P2RX3: variants seen among roughly 807,000 people sequenced by gnomAD.
P2RX3 encodes P2X purinoceptor 3.
In P2RX3, 41 loss-of-function variants were observed where a neutral mutation model predicts 51.5. That is an observed-to-expected ratio of 0.80 (90% confidence interval 0.62 to 1.03). The LOEUF (loss-of-function observed/expected upper bound fraction) is 1.03, where lower values mean the gene tolerates loss of function less well. Among genes scored for constraint, P2RX3 ranks in the 50% least tolerant of loss-of-function variants. P2RX3 has a pLI of 0.00. For missense variants in P2RX3, 459 were observed against 522.1 expected (o/e 0.88, Z 1.18); for synonymous variants, 185 against 191.6 (o/e 0.97, Z 0.29).
chr11:57,364,225 A>G (rs1856764141), intron 8 of P2RX3, among the ~76,000 whole-genome samples: 1 of 152,202 alleles, frequency 6.6e-6, no homozygotes, highest in Non-Finnish European at 1.5e-5. Flanking sequence ...TCTCTGAGAC[A>G]AGGGCCTTAA....
At chr11:57,347,028 A>C in intron 2 of P2RX3, 88 bp from the exon 3 acceptor site, 1 of 1,348,470 alleles carries the variant, frequency 7.4e-7, no homozygotes, top group South Asian at 1.2e-5. Context: ...TGCTTTCCTC[A>C]TCTGTAGAGT....
rs139502364 is a variant in P2RX3 at position 57,370,478 on chromosome 11, TCC to T, written c.*482_*483del. 548 of 154,730 alleles carry T rather than the reference TCC, an allele frequency of 3.5e-3. 5 individuals carry two copies. The highest frequency in any genetic ancestry group is 0.012 in the African/African-American group (506 of 41,600). 9.6% of individuals were successfully genotyped at this position (154,730 alleles called of 1,614,324 possible). The stretch of plus-strand genomic sequence containing the variant: ...ATGTGAGAGAGCTGGGATTTGAACG[TCC>T]GTCTGACTAACTCCATCGCCCACAC... On this transcript the variant is annotated 3_prime_UTR_variant, in exon 12 of 12. Coordinates refer to ENST00000263314, the MANE Select transcript of P2RX3 (RefSeq NM_002559.5).
At chr11:57,337,118 C>T (rs1856237478), upstream of P2RX3, among the ~76,000 whole-genome samples, 1 of 151,520 alleles carries the variant, frequency 6.6e-6, no homozygotes, top group African/African-American at 2.4e-5. Flanking sequence ...GTGGTGAAGC[C>T]CCGTCTCTAT....
chr11:57,366,994 T>C (rs571417525), intron 8 of P2RX3, among the ~76,000 whole-genome samples: 1 of 152,336 alleles, frequency 6.6e-6, no homozygotes, highest in Admixed American at 6.5e-5. Flanking sequence ...GAGTTTTGGA[T>C]GAGGACATTC....
At chr11:57,364,384 T>TAGA (rs1294518386) in intron 8 of P2RX3, among the ~76,000 whole-genome samples, 1 of 152,234 alleles carries the variant, frequency 6.6e-6, no homozygotes, top group African/African-American at 2.4e-5. Context: ...CGGTATGGAT[T>TAGA]AGAATCCCAG....
Position 57,368,402 on chromosome 11 carries a change from A to T in P2RX3, c.967A>T (p.Ile323Phe). The T allele has an allele frequency of 6.2e-7, 1 of 1,614,022 alleles. No individual in the cohort carries two copies. The highest frequency in any genetic ancestry group is 1.1e-5 in the South Asian group (1 of 91,074). ...AGKFNIIPTI[I>F]SSVAAFTSVG... is the part of the protein sequence containing the mutation. The stretch of plus-strand genomic sequence containing the variant: ...CAAGTTCAACATCATCCCCACCATC[A>T]TCAGCTCTGTGGCGGCCTTTACTTC... Residue 323 changes from isoleucine (I) to phenylalanine (F), a missense_variant, in exon 10 of 12, where the codon ATC becomes TTC. Coordinates refer to ENST00000263314, the MANE Select transcript of P2RX3 (RefSeq NM_002559.5).
rs1244379081 is a variant in P2RX3 at position 57,338,530 on chromosome 11, T to C, written c.-21T>C. The C allele has an allele frequency of 3.3e-6, 5 of 1,537,650 alleles. No homozygotes were observed. The East Asian group carries it at 1.1e-4, about 35-fold the overall frequency. Reference sequence around the variant, plus strand: ...CCACCACTGGGCCCCCTTCTGAGTGTCCCCTGAGCACTCTCTCAGCATGAA... The same window carrying C: ...CCACCACTGGGCCCCCTTCTGAGTGCCCCCTGAGCACTCTCTCAGCATGAA... On this transcript the variant is annotated 5_prime_UTR_variant, in exon 1 of 12. Transcript: ENST00000263314.
In P2RX3 at chr11:57,371,121, G is replaced by A. The variant is rs189192399; in HGVS notation, c.*1124G>A. Among the ~76,000 whole-genome samples, 4 of 152,302 alleles carry A rather than the reference G, an allele frequency of 2.6e-5. No individual in the cohort carries two copies. Among genetic ancestry groups the A allele is most frequent in the African/African-American group, 9.6e-5 (4 of 41,552 alleles). ...TGACTGGTTCAGTGCCACAGTTCAT[G>A]GCCAAAAAGGAACCCACATGTCCTG... On this transcript the variant is annotated 3_prime_UTR_variant, in exon 12 of 12. Coordinates refer to ENST00000263314, the MANE Select transcript of P2RX3 (RefSeq NM_002559.5).
At chr11:57,365,536 A>G (rs944664447) in intron 8 of P2RX3, among the ~76,000 whole-genome samples, 2 of 152,222 alleles carry the variant, frequency 1.3e-5, no homozygotes, top group African/African-American at 2.4e-5. Flanking sequence ...AGCTGGGCAC[A>G]GAAGGGACAG....
rs753171727 is a variant in P2RX3, at chr11:57,350,763, G to C, written c.707G>C (p.Gly236Ala). The stretch of plus-strand genomic sequence containing the variant: ...CTCATACCCGGCCCGTTTCTTCAGG[G>C]GGGAGTTCTGGGCATTAAGATCGGC... ...GQDFAKLART[G>A]GVLGIKIGWV... Residue 236 changes from glycine (G) to alanine (A), a missense_variant and splice_region_variant, in exon 8 of 12, where the codon GGG becomes GCG. Coordinates refer to ENST00000263314, the MANE Select transcript of P2RX3 (RefSeq NM_002559.5). 6.2e-7 allele frequency: 1 copy of C among 1,613,994 alleles called. No homozygotes were observed. The highest frequency in any genetic ancestry group is 8.5e-7 in the Non-Finnish European group (1 of 1,179,988).
At chr11:57,367,917 G>A in intron 8 of P2RX3, 92 bp from the exon 9 acceptor site, 1 of 995,718 alleles carries the variant, frequency 1.0e-6, no homozygotes, top group South Asian at 1.4e-5. Context: ...GTTGCTCAGT[G>A]AGCCAAGACA....
intron 10 of P2RX3, among the ~76,000 whole-genome samples, chr11:57,368,835 G>A (rs1348837717): frequency 6.6e-6 from 1 of 152,132 alleles, no homozygotes; most frequent in African/African-American, 2.4e-5. Flanking sequence ...ACCCCACGCA[G>A]TCCTCTCTCT....
At chr11:57,352,877 C>G (rs1305275001) in intron 8 of P2RX3, among the ~76,000 whole-genome samples, 12 of 152,124 alleles carry the variant, frequency 7.9e-5, no homozygotes, top group Admixed American at 7.9e-4. Context: ...AATTGACTCC[C>G]CCAACAAAGT....
At chr11:57,338,802 C>T (rs1045117103) in intron 1 of P2RX3, 133 bp downstream of exon 1, 2 of 634,120 alleles carry the variant, frequency 3.2e-6, no homozygotes, top group Admixed American at 4.5e-5. Context: ...TTCTGTGGAG[C>T]CGAGTCTTAA....
intron 1 of P2RX3, among the ~76,000 whole-genome samples, chr11:57,344,560 G>A (rs920562111): frequency 7.2e-5 from 11 of 152,106 alleles, no homozygotes; most frequent in Admixed American, 2.0e-4. Context: ...TTAGCCAGGC[G>A]TGGTTGTGCA....
At chr11:57,362,270 G>A (rs940288732) in intron 8 of P2RX3, among the ~76,000 whole-genome samples, 2 of 152,226 alleles carry the variant, frequency 1.3e-5, no homozygotes, top group Non-Finnish European at 2.9e-5. Context: ...GTGGCAGGGA[G>A]AAGAGCTTGC....
intron 8 of P2RX3, among the ~76,000 whole-genome samples, chr11:57,357,294 T>C (rs551293776): frequency 1.3e-5 from 2 of 152,262 alleles, no homozygotes; most frequent in Non-Finnish European, 2.9e-5. Flanking sequence ...CACTCCAGCC[T>C]GGGTGACAGA....
chr11:57,350,095 T>C (rs4939139), intron 7 of P2RX3, among the ~76,000 whole-genome samples, 197 bp downstream of exon 7: 148,942 of 152,154 alleles, frequency 0.98, 72,996 homozygotes, highest in East Asian at 1. Context: ...GCCCCCCGCC[T>C]CCGCCGAGTC....
Position 57,349,761 on chromosome 11 carries a change from A to T in P2RX3, c.568A>T (p.Asn190Tyr), listed in dbSNP as rs562425353. ...TCTCTCTCTGCTCCTCCCCAGGGGA[A>T]ACCTCCTTCCCAACCTGACAGCCAG... ...RFPLFNFEKG[N>Y]LLPNLTARDM... is the part of the protein sequence containing the mutation. Residue 190 changes from asparagine (N) to tyrosine (Y), a missense_variant, in exon 7 of 12, where the codon AAC (asparagine) becomes TAC (tyrosine). Asn to Tyr is a moderately radical substitution (Grantham distance 143). Transcript: ENST00000263314. 1 of 1,614,110 alleles carries T rather than the reference A, an allele frequency of 6.2e-7. No individual in the cohort carries two copies. The highest frequency in any genetic ancestry group is 1.7e-5 in the Admixed American group (1 of 60,018).
Sources: gnomAD v4.1 joint callset for allele counts (sites outside exome capture counted in the v4.1 genomes callset) on GRCh38, gnomAD v4.1.1 for gene constraint, MANE v1.5 for transcripts, NCBI Gene and HGNC (gene_info 2026-07-23, HGNC 2026-07-21) for gene names.